NNMT: variants seen among roughly 807,000 people sequenced by gnomAD.
NNMT encodes nicotinamide N-methyltransferase.
Under a neutral mutation model 11.7 loss-of-function variants are expected in NNMT, and 10 were observed. The ratio of observed to expected loss-of-function variants is 0.85; its 90% CI spans 0.53 to 1.45. The LOEUF is 1.45. NNMT is among the 40% of genes most tolerant of loss of function. The pLI is 0.00. For synonymous variants in NNMT, 143 were observed against 133.8 expected (o/e 1.07, Z -0.48); for missense variants, 381 against 319.4 (o/e 1.19, Z -1.47).
At chr11:114,282,526 C>T (rs1479562763) in intron 2 of NNMT, among the ~76,000 whole-genome samples, 1 of 152,218 alleles carries the variant, frequency 6.6e-6, no homozygotes, top group Non-Finnish European at 1.5e-5. Flanking sequence ...TCTAACTCCT[C>T]CCCAATTTGC....
At chr11:114,293,073 A>G (rs1367568891), upstream of NNMT, among the ~76,000 whole-genome samples, 1 of 152,204 alleles carries the variant, frequency 6.6e-6, no homozygotes, top group Non-Finnish European at 1.5e-5. Context: ...AATTGCTAGT[A>G]GCAAACCAGG....
upstream of NNMT, among the ~76,000 whole-genome samples, chr11:114,293,710 A>G (rs1007739820): frequency 1.3e-5 from 2 of 152,062 alleles, no homozygotes; most frequent in Non-Finnish European, 2.9e-5. Context: ...TACAACCACT[A>G]TGGAGAACGG....
chr11:114,291,289 A>T (rs1240914973), intron 2 of NNMT, among the ~76,000 whole-genome samples: 1 of 151,638 alleles, frequency 6.6e-6, no homozygotes, highest in African/African-American at 2.4e-5. Flanking sequence ...TTTCTCTTTT[A>T]TTTTTTCCAT....
chr11:114,304,664 C>G (rs1408086142), intron 2 of NNMT, among the ~76,000 whole-genome samples: 2 of 152,044 alleles, frequency 1.3e-5, no homozygotes, highest in African/African-American at 4.8e-5. Flanking sequence ...GTTCTTCTAC[C>G]TCTGCATTTA....
At chr11:114,264,091 C>G (rs934030037) in intron 2 of NNMT, among the ~76,000 whole-genome samples, 1 of 152,044 alleles carries the variant, frequency 6.6e-6, no homozygotes, top group African/African-American at 2.4e-5. Flanking sequence ...TGGATCATAT[C>G]CTCTCAGTCT....
At chr11:114,291,234 C>T (rs1381939221) in intron 2 of NNMT, among the ~76,000 whole-genome samples, 3 of 152,200 alleles carry the variant, frequency 2.0e-5, no homozygotes, top group Non-Finnish European at 4.4e-5. Flanking sequence ...CTCCAACCCA[C>T]CCTTCTGTAC....
intron 2 of NNMT, among the ~76,000 whole-genome samples, chr11:114,272,464 C>G (rs947233264): frequency 6.6e-6 from 1 of 152,192 alleles, no homozygotes; most frequent in East Asian, 1.9e-4. Flanking sequence ...AACTGACAGA[C>G]ACGTTGGACC....
At chr11:114,300,661 G>A (rs976770775) in intron 2 of NNMT, among the ~76,000 whole-genome samples, 1 of 152,114 alleles carries the variant, frequency 6.6e-6, no homozygotes, top group African/African-American at 2.4e-5. Context: ...GCTCCCTATA[G>A]TTCTGTCAAC....
At chr11:114,299,474 A>C (rs962412741) in intron 2 of NNMT, among the ~76,000 whole-genome samples, 2 of 152,232 alleles carry the variant, frequency 1.3e-5, no homozygotes, top group Non-Finnish European at 2.9e-5. Context: ...ATTGAGCTAT[A>C]ATTTTCTTCT....
chr11:114,276,392 C>A (rs1945213777), intron 2 of NNMT, among the ~76,000 whole-genome samples: 1 of 152,186 alleles, frequency 6.6e-6, no homozygotes, highest in Admixed American at 6.5e-5. Context: ...GGCGAAGGGA[C>A]TGATGCAGCA....
chr11:114,258,106 A>C (rs1407429919), intron 1 of NNMT, among the ~76,000 whole-genome samples: 2 of 152,016 alleles, frequency 1.3e-5, no homozygotes, highest in Non-Finnish European at 2.9e-5. Flanking sequence ...CTCTGCCCCA[A>C]CCCTGGCAAT....
intron 2 of NNMT, among the ~76,000 whole-genome samples, chr11:114,289,930 A>C (rs1945323113): frequency 1.3e-5 from 2 of 152,180 alleles, no homozygotes; most frequent in Non-Finnish European, 2.9e-5. Context: ...CAGCAGATTC[A>C]GTGTCTGGTG....
At chr11:114,266,254 G>A (rs1945118866) in intron 2 of NNMT, among the ~76,000 whole-genome samples, 1 of 151,922 alleles carries the variant, frequency 6.6e-6, no homozygotes, top group East Asian at 1.9e-4. Context: ...AGAGCTATAG[G>A]CTTAGTATAT....
intron 2 of NNMT, among the ~76,000 whole-genome samples, chr11:114,283,913 T>C (rs1432477144): frequency 6.6e-6 from 1 of 152,222 alleles, no homozygotes; most frequent in Non-Finnish European, 1.5e-5. Flanking sequence ...AAGAGTGAAC[T>C]TCATAATCTT....
upstream of NNMT, among the ~76,000 whole-genome samples, chr11:114,291,515 T>C (rs1376830526): frequency 6.6e-6 from 1 of 152,160 alleles, no homozygotes; most frequent in Non-Finnish European, 1.5e-5. Context: ...GTTTGGTTTT[T>C]GTTTTGTTTT....
chr11:114,306,691 C>G (rs2135281263), intron 2 of NNMT, among the ~76,000 whole-genome samples: 1 of 152,222 alleles, frequency 6.6e-6, no homozygotes, highest in Non-Finnish European at 1.5e-5. Flanking sequence ...GGGCTCTGTT[C>G]TGTTCCATTG....
chr11:114,296,883 T>G (rs1398620424), intron 1 of NNMT, among the ~76,000 whole-genome samples, 173 bp downstream of exon 1: 2 of 152,194 alleles, frequency 1.3e-5, no homozygotes, highest in Non-Finnish European at 2.9e-5. Context: ...GTTTACAAAG[T>G]GCTTTTGTAT....
At chr11:114,267,468 C>G (rs867265763) in intron 2 of NNMT, among the ~76,000 whole-genome samples, 1 of 152,112 alleles carries the variant, frequency 6.6e-6, no homozygotes, top group South Asian at 2.1e-4. Flanking sequence ...GTTATGACTA[C>G]AAATGCCAAT....
At chr11:114,299,542 T>G (rs1048426192) in intron 2 of NNMT, among the ~76,000 whole-genome samples, 2 of 152,220 alleles carry the variant, frequency 1.3e-5, no homozygotes, top group Non-Finnish European at 2.9e-5. Flanking sequence ...TAAAATGAGT[T>G]GGGAGTGATA....
Sources: gnomAD v4.1 joint callset for allele counts (sites outside exome capture counted in the v4.1 genomes callset) on GRCh38, gnomAD v4.1.1 for gene constraint, MANE v1.5 for transcripts, NCBI Gene and HGNC (gene_info 2026-07-23, HGNC 2026-07-21) for gene names.